The following ZFYVE28 variants were observed in gnomAD, a reference collection of about 807,000 sequenced individuals.
The protein encoded by ZFYVE28 is zinc finger FYVE-type containing 28, also known as lateral signaling target protein 2 homolog.
ZFYVE28 carries 40 observed loss-of-function variants against 82.1 expected under a neutral mutation model. The observed-to-expected ratio is 0.49, with a 90% CI of 0.38 to 0.63. The LOEUF (loss-of-function observed/expected upper bound fraction) is 0.63, where lower values mean the gene tolerates loss of function less well. ZFYVE28 is among the 30% of genes least tolerant of loss of function. The probability of loss-of-function intolerance (pLI) is 0.00; values close to 1 mark genes in which losing one functional copy is unlikely to be tolerated. For missense variants in ZFYVE28, 1,321 were observed against 1,242.1 expected (o/e 1.06, Z -0.96); for synonymous variants, 612 against 546.1 (o/e 1.12, Z -1.68).
intron 8 of ZFYVE28, among the ~76,000 whole-genome samples, chr4:2,284,151 T>C (rs903630687): frequency 3.3e-5 from 5 of 152,218 alleles, no homozygotes; most frequent in Admixed American, 3.3e-4. Context: ...CTGTGGAGCA[T>C]GTGGCCACAC....
At chr4:2,290,051 C>T (rs1312426766) in intron 8 of ZFYVE28, among the ~76,000 whole-genome samples, 3 of 152,192 alleles carry the variant, frequency 2.0e-5, no homozygotes, top group African/African-American at 7.2e-5. Context: ...AGCTCAACAA[C>T]TGACAGACAG....
At chr4:2,413,429 C>T (rs1022264624) in intron 1 of ZFYVE28, among the ~76,000 whole-genome samples, 1 of 152,218 alleles carries the variant, frequency 6.6e-6, no homozygotes, top group Non-Finnish European at 1.5e-5. Context: ...TTCAGAGAAC[C>T]ACACACAGCT....
intron 1 of ZFYVE28, among the ~76,000 whole-genome samples, chr4:2,355,234 AT>A (rs1560269790): frequency 0.038 from 1,311 of 34,638 alleles, 251 homozygotes; most frequent in East Asian, 0.11. Context: ...ATATATATAT[AT>A]ATATATATAT....
intron 1 of ZFYVE28, among the ~76,000 whole-genome samples, chr4:2,407,704 C>T (rs1732071719): frequency 6.6e-6 from 1 of 152,308 alleles, no homozygotes; most frequent in Non-Finnish European, 1.5e-5. Context: ...GATTCTCCTG[C>T]CTCAGCCTCC....
At chr4:2,331,382 C>T (rs1301029928) in intron 6 of ZFYVE28, among the ~76,000 whole-genome samples, 1 of 151,992 alleles carries the variant, frequency 6.6e-6, no homozygotes, top group Non-Finnish European at 1.5e-5. Context: ...TACCTCATGC[C>T]TGTAATCCTA....
intron 7 of ZFYVE28, among the ~76,000 whole-genome samples, chr4:2,319,689 G>C (rs748637692): frequency 1.4e-4 from 21 of 152,208 alleles, no homozygotes; most frequent in Non-Finnish European, 2.9e-4. Flanking sequence ...AAGGAAAGGC[G>C]TCGTGTTTTA....
chr4:2,304,308 G>A lies in ZFYVE28; in HGVS notation c.2032C>T (p.Gln678Ter). The A allele has an allele frequency of 6.3e-7, 1 of 1,592,658 alleles. No individual in the cohort carries two copies. The highest frequency in any genetic ancestry group is 8.5e-7 in the Non-Finnish European group (1 of 1,174,774). Residue 678 changes from glutamine to a stop codon, truncating the protein, a stop_gained, in exon 8 of 13, where the codon CAG becomes TAG. Transcript: ENST00000290974. LOFTEE classifies it high-confidence loss of function. ...TCTTACCTGGAGCCCGACAGGGCCT[G>A]AGGCGCCTCGTGAGCCGAGGGGCTC... Reference protein sequence around the residue: ...AGSPSAHEAPQALSGSSSSTA... With the variant: ...AGSPSAHEAP
chr4:2,333,578 C>T (rs1020606495), intron 6 of ZFYVE28, among the ~76,000 whole-genome samples: 10 of 152,024 alleles, frequency 6.6e-5, no homozygotes, highest in African/African-American at 1.7e-4. Flanking sequence ...ACTCCAGGCC[C>T]GACCTTTAAG....
intron 8 of ZFYVE28, among the ~76,000 whole-genome samples, chr4:2,280,661 C>T (rs186393712): frequency 3.4e-4 from 52 of 152,296 alleles, no homozygotes; most frequent in African/African-American, 1.3e-3. Flanking sequence ...AAAGTCTCAT[C>T]GCGGATCAAG....
intron 2 of ZFYVE28, among the ~76,000 whole-genome samples, chr4:2,346,580 A>G (rs910019328): frequency 6.6e-6 from 1 of 152,196 alleles, no homozygotes; most frequent in African/African-American, 2.4e-5. Flanking sequence ...ATACAAAAGT[A>G]AAATGTATGG....
chr4:2,325,250 G>C (rs867010520), intron 6 of ZFYVE28, among the ~76,000 whole-genome samples: 1 of 152,246 alleles, frequency 6.6e-6, no homozygotes, highest in African/African-American at 2.4e-5. Flanking sequence ...GGGAAATCCT[G>C]CCAATGAACA....
intron 8 of ZFYVE28, among the ~76,000 whole-genome samples, chr4:2,280,283 G>A (rs140878506): frequency 0.035 from 5,293 of 152,258 alleles, 280 homozygotes; most frequent in African/African-American, 0.12. Flanking sequence ...TGAGGCGGGA[G>A]GATCACTTGA....
At position 2,332,736 on chromosome 4, in the gene ZFYVE28, T is replaced by A. The variant is rs1002416549; in HGVS notation, c.701+2969A>T. Among the ~76,000 whole-genome samples the A allele has an allele frequency of 6.6e-6, 1 of 152,128 alleles. No individual in the cohort carries two copies. Among genetic ancestry groups the A allele is most frequent in the Non-Finnish European group, 1.5e-5 (1 of 67,998 alleles). ...ACGGGATCCGCTGGTGGTGCAGGGC[T>A]GCAGGGCCCCAGTGAGCATCCCAGA... On this transcript the variant is annotated intron_variant, in intron 6 of 12. Transcript: ENST00000290974. The surrounding 1 kb of genome is among the most constrained non-coding windows in gnomAD (Gnocchi z 4.7).
chr4:2,415,664 G>T (rs1414590463), intron 1 of ZFYVE28, among the ~76,000 whole-genome samples: 2 of 152,014 alleles, frequency 1.3e-5, no homozygotes, highest in Non-Finnish European at 1.5e-5. Flanking sequence ...ACTCTTCCAG[G>T]CCCAGAATCT....
At chr4:2,351,808 G>A (rs1055715824) in intron 2 of ZFYVE28, among the ~76,000 whole-genome samples, 6 of 152,238 alleles carry the variant, frequency 3.9e-5, no homozygotes, top group East Asian at 3.8e-4. Context: ...GTAAACTGGG[G>A]CTCCCATGGC....
intron 1 of ZFYVE28, among the ~76,000 whole-genome samples, chr4:2,403,196 C>A (rs1731384457): frequency 6.6e-6 from 1 of 152,248 alleles, no homozygotes; most frequent in South Asian, 2.1e-4. Flanking sequence ...CAGCTCCTCA[C>A]AGATGCCCCC....
chr4:2,337,631 C>T (rs1394259177), intron 4 of ZFYVE28, 135 bp from the exon 5 acceptor site: 7 of 644,886 alleles, frequency 1.1e-5, no homozygotes, highest in African/African-American at 1.8e-5. Flanking sequence ...CCTGTAATCC[C>T]AGCACGTTGG....
At chr4:2,273,518 GC>G (rs370331261) in intron 9 of ZFYVE28, among the ~76,000 whole-genome samples, 1 of 152,160 alleles carries the variant, frequency 6.6e-6, no homozygotes, top group Non-Finnish European at 1.5e-5. Context: ...CAGACAGACA[GC>G]CCCGCCACAG....
chr4:2,348,841 G>A (rs113046959), intron 2 of ZFYVE28, among the ~76,000 whole-genome samples: 136 of 152,094 alleles, frequency 8.9e-4, no homozygotes, highest in African/African-American at 3.0e-3. Context: ...TTTTATCTTT[G>A]TAGCATATTT....
Sources: allele counts gnomAD v4.1 joint callset (sites outside exome capture counted in the v4.1 genomes callset), GRCh38; gene constraint gnomAD v4.1.1; non-coding constraint Gnocchi (gnomAD v3.1); transcripts MANE v1.5; gene names NCBI Gene and HGNC (gene_info 2026-07-23, HGNC 2026-07-21).